Variants in NPEPPS observed in about 807,000 individuals in gnomAD.
NPEPPS encodes aminopeptidase puromycin sensitive.
NPEPPS carries 14 observed loss-of-function variants against 115.5 expected under a neutral mutation model. The observed-to-expected ratio is 0.12, with a 90% CI of 0.08 to 0.19. The LOEUF is 0.19. Ranked by LOEUF, NPEPPS falls within the 10% of genes least tolerant of loss-of-function variation. NPEPPS has a pLI of 1.00. For synonymous variants in NPEPPS, 285 were observed against 390.6 expected, an observed-to-expected ratio of 0.73 and a Z score of 3.19; for missense variants, 523 against 1,110.8, an observed-to-expected ratio of 0.47 and a Z score of 7.52.
intron 20 of NPEPPS, 59 bp from the exon 21 acceptor site, chr17:47,618,950 T>G: frequency 6.6e-7 from 1 of 1,525,386 alleles, no homozygotes; most frequent in Non-Finnish European, 9.0e-7. Flanking sequence ...ATGGTGCACT[T>G]TCTGGTACCA....
chr17:47,618,914 C>T (rs966988326), intron 20 of NPEPPS, 95 bp from the exon 21 acceptor site: 1 of 1,065,788 alleles, frequency 9.4e-7, no homozygotes, highest in Admixed American at 2.2e-5. Context: ...TAAGTGTCTT[C>T]AGTGTGATTA....
At chr17:47,542,402 C>A (rs1200657138) in intron 1 of NPEPPS, among the ~76,000 whole-genome samples, 1 of 151,950 alleles carries the variant, frequency 6.6e-6, no homozygotes, top group Non-Finnish European at 1.5e-5. Flanking sequence ...CAAAATTTAC[C>A]GGGCGTAGTG....
At chr17:47,600,714 G>A (rs1340141732) in intron 14 of NPEPPS, among the ~76,000 whole-genome samples, 1 of 151,894 alleles carries the variant, frequency 6.6e-6, no homozygotes, top group Non-Finnish European at 1.5e-5. Context: ...CTCTTTTTTT[G>A]TTTGGCATCT....
rs778905502 is a variant in NPEPPS, at chr17:47,590,764, T to A, written c.1143T>A (p.Ile381=). Reference sequence around the variant, plus strand: ...TAAATGAAGGTTTTGCATCCTGGATTGAATATCTGTGTGTAGACCACTGCT... The same window carrying A: ...TAAATGAAGGTTTTGCATCCTGGATAGAATATCTGTGTGTAGACCACTGCT... ...LWLNEGFASW[I]EYLCVDHCFP... Residue 381 remains isoleucine, a synonymous_variant, in exon 10 of 23, where the codon ATT becomes ATA. Transcript: ENST00000322157. The A allele has an allele frequency of 6.2e-6, 10 of 1,603,074 alleles. No homozygotes were observed. Among genetic ancestry groups the A allele is most frequent in the Non-Finnish European group, 8.5e-6 (10 of 1,174,592 alleles).
chr17:47,540,098 A>T (rs377042333), intron 1 of NPEPPS, among the ~76,000 whole-genome samples: 2 of 152,156 alleles, frequency 1.3e-5, no homozygotes, highest in Non-Finnish European at 2.9e-5. Context: ...TCCCTATCTC[A>T]TAGGAAACTT....
chr17:47,605,499 A>T lies in NPEPPS; in HGVS notation c.2042A>T (p.Asp681Val). The T allele has an allele frequency of 6.2e-7, 1 of 1,602,772 alleles. No individual in the cohort carries two copies. The highest frequency in any genetic ancestry group is 8.5e-7 in the Non-Finnish European group (1 of 1,174,024). Residue 681 changes from aspartate to valine, a missense_variant, in exon 17 of 23, where the codon GAT becomes GTT. Asp to Val is a radical substitution (Grantham distance 152). Transcript: ENST00000322157. ...FYEEIQEFVKDVFSPIGERLG... is the reference protein window; with the variant it reads ...FYEEIQEFVKVVFSPIGERLG... ...GAGGAAATCCAGGAGTTTGTGAAAGATGTCTTTTCACCTATAGGGGAGAGA... is the reference window on the plus strand; with the variant it reads ...GAGGAAATCCAGGAGTTTGTGAAAGTTGTCTTTTCACCTATAGGGGAGAGA...
At chr17:47,558,745 G>A (rs1428493532) in intron 2 of NPEPPS, among the ~76,000 whole-genome samples, 1 of 152,064 alleles carries the variant, frequency 6.6e-6, no homozygotes, top group Admixed American at 6.6e-5. Context: ...GTTAAGATAG[G>A]GTCTTGCGGC....
intron 9 of NPEPPS, among the ~76,000 whole-genome samples, chr17:47,590,459 A>G (rs965133696): frequency 3.3e-5 from 5 of 149,318 alleles, no homozygotes; most frequent in Non-Finnish European, 7.5e-5. Flanking sequence ...TTTGTCTCAA[A>G]AAAAAAAAAA....
At chr17:47,558,038 T>C (rs1910172072) in intron 2 of NPEPPS, among the ~76,000 whole-genome samples, 1 of 152,006 alleles carries the variant, frequency 6.6e-6, no homozygotes, top group South Asian at 2.1e-4. Flanking sequence ...GCAATGCTTG[T>C]GCCTCAGCCT....
At chr17:47,571,986 A>C (rs912073709) in intron 3 of NPEPPS, among the ~76,000 whole-genome samples, 1 of 151,918 alleles carries the variant, frequency 6.6e-6, no homozygotes, top group Non-Finnish European at 1.5e-5. Flanking sequence ...CATATCACCA[A>C]CTCTACTGGC....
chr17:47,533,315 G>T (rs1907959694), intron 1 of NPEPPS, among the ~76,000 whole-genome samples: 1 of 151,788 alleles, frequency 6.6e-6, no homozygotes, highest in Admixed American at 6.6e-5. Flanking sequence ...AATGCATCTT[G>T]GGTCTAAATT....
intron 8 of NPEPPS, 184 bp downstream of exon 8, chr17:47,586,582 G>A: frequency 3.2e-6 from 2 of 618,816 alleles, no homozygotes; most frequent in Non-Finnish European, 3.0e-6. Context: ...GCTACTGTCT[G>A]AGGGTGTAAG....
intron 2 of NPEPPS, among the ~76,000 whole-genome samples, chr17:47,550,402 A>G (rs1359152598): frequency 6.9e-6 from 1 of 144,388 alleles, no homozygotes; most frequent in Non-Finnish European, 1.5e-5. Context: ...ATGTCGGCTC[A>G]CTGCAACTAG....
intron 1 of NPEPPS, among the ~76,000 whole-genome samples, chr17:47,542,402 C>T (rs1200657138): frequency 3.3e-5 from 5 of 151,950 alleles, no homozygotes; most frequent in African/African-American, 4.8e-5. Flanking sequence ...CAAAATTTAC[C>T]GGGCGTAGTG....
intron 21 of NPEPPS, 130 bp downstream of exon 21, chr17:47,619,294 C>T (rs746361522): frequency 4.5e-5 from 41 of 914,806 alleles, no homozygotes; most frequent in Non-Finnish European, 4.8e-5. Flanking sequence ...TGGCTCACGC[C>T]TGTAATACCA....
At chr17:47,556,129 GA>G (rs1910014161) in intron 2 of NPEPPS, among the ~76,000 whole-genome samples, 2 of 146,818 alleles carry the variant, frequency 1.4e-5, no homozygotes, top group Non-Finnish European at 1.5e-5. Flanking sequence ...TGCAGAGGGG[GA>G]TTTGGCAGGG....
intron 12 of NPEPPS, among the ~76,000 whole-genome samples, chr17:47,593,773 C>G (rs1446400106): frequency 6.6e-6 from 1 of 152,194 alleles, no homozygotes; most frequent in East Asian, 1.9e-4. Context: ...CAGCATGTTA[C>G]TGTACTGAAT....
At chr17:47,562,389 CTGCAGAACTGAT>C (rs1872807881) in intron 2 of NPEPPS, among the ~76,000 whole-genome samples, 1 of 152,208 alleles carries the variant, frequency 6.6e-6, no homozygotes, top group African/African-American at 2.4e-5. Context: ...GTGGTATCGT[CTGCAGAACTGAT>C]TGCTTCTTGT....
chr17:47,568,918 G>T (rs1938269289), intron 2 of NPEPPS, among the ~76,000 whole-genome samples: 1 of 151,578 alleles, frequency 6.6e-6, no homozygotes. Flanking sequence ...GCCTCCCAAA[G>T]TGCTGGGATT....
Sources: allele counts gnomAD v4.1 joint callset (sites outside exome capture counted in the v4.1 genomes callset), GRCh38; gene constraint gnomAD v4.1.1; transcripts MANE v1.5; gene names NCBI Gene and HGNC (gene_info 2026-07-23, HGNC 2026-07-21).